ADARB2: variants seen among roughly 807,000 people sequenced by gnomAD.
ADARB2 encodes adenosine deaminase RNA specific B2 (inactive).
A neutral mutation model predicts 62.2 loss-of-function variants in ADARB2; 25 were observed. The observed-to-expected ratio is 0.40, with a 90% CI of 0.29 to 0.56. The LOEUF (loss-of-function observed/expected upper bound fraction) is 0.56. ADARB2 is among the 20% of genes least tolerant of loss of function. ADARB2 has a pLI of 0.43. For missense variants in ADARB2, 1,071 were observed against 1,077.4 expected, an observed-to-expected ratio of 0.99 and a Z score of 0.08; for synonymous variants, 572 against 500.8, an observed-to-expected ratio of 1.14 and a Z score of -1.90.
intron 1 of ADARB2, among the ~76,000 whole-genome samples, chr10:1,679,542 G>A (rs1054608194): frequency 1.3e-5 from 2 of 152,164 alleles, no homozygotes; most frequent in African/African-American, 4.8e-5. Context: ...GCCACTTGGT[G>A]CAACTCCTGG....
Position 1,363,156 on chromosome 10 carries a change from A to G in ADARB2, c.949T>C (p.Phe317Leu). ...TTCTTGCTGCGCCCCGAGCCCTCGA[A>G]CGTCCTGCCGTCCACGCTCACGGCC... ...VMAVSVDGRT[F>L]EGSGRSKKLA... The change falls in exon 3 of 10, where the codon TTC becomes CTC. Residue 317 changes from phenylalanine (F) to leucine (L), a missense_variant. Physicochemically the swap from Phe to Leu is conservative, Grantham distance 22. Transcript: ENST00000381312. 6.5e-7 allele frequency: 1 copy of G among 1,545,692 alleles called. No individual in the cohort carries two copies. Among genetic ancestry groups the G allele is most frequent in the Non-Finnish European group, 8.7e-7 (1 of 1,155,170 alleles).
chr10:1,468,713 CCTT>C (rs1831286870), intron 1 of ADARB2, among the ~76,000 whole-genome samples: 2 of 152,176 alleles, frequency 1.3e-5, no homozygotes, highest in Admixed American at 1.3e-4. Flanking sequence ...GTGGTGCCTT[CCTT>C]CTTCTGACTC....
intron 1 of ADARB2, among the ~76,000 whole-genome samples, chr10:1,625,096 T>C (rs1187146823): frequency 6.6e-6 from 1 of 152,222 alleles, no homozygotes; most frequent in Non-Finnish European, 1.5e-5. Context: ...TGTTCAGAAT[T>C]GGCCAAACAC....
intron 3 of ADARB2, among the ~76,000 whole-genome samples, chr10:1,297,561 G>T (rs549544859): frequency 6.6e-6 from 1 of 152,148 alleles, no homozygotes; most frequent in Non-Finnish European, 1.5e-5. Context: ...GACCCCCGAG[G>T]GTGGCTGCGT....
At chr10:1,328,575 A>T (rs901616256) in intron 3 of ADARB2, among the ~76,000 whole-genome samples, 4 of 152,140 alleles carry the variant, frequency 2.6e-5, no homozygotes, top group African/African-American at 9.7e-5. Flanking sequence ...TTTTGCAGAC[A>T]TTCCTGGAGC....
At chr10:1,613,598 C>T (rs369117611) in intron 1 of ADARB2, among the ~76,000 whole-genome samples, 110 of 152,284 alleles carry the variant, frequency 7.2e-4, no homozygotes, top group Non-Finnish European at 1.1e-3. Context: ...ACTATTAGCA[C>T]GTCAGTGTAT....
chr10:1,210,060 A>G (rs563464135), intron 7 of ADARB2, among the ~76,000 whole-genome samples: 96 of 152,242 alleles, frequency 6.3e-4, no homozygotes, highest in African/African-American at 2.1e-3. Context: ...GAATATCACT[A>G]TGGGTATTAT....
chr10:1,607,693 T>C (rs192284099), intron 1 of ADARB2, among the ~76,000 whole-genome samples: 1 of 152,156 alleles, frequency 6.6e-6, no homozygotes, highest in East Asian at 1.9e-4. Context: ...CGCAGCGACA[T>C]GCATAGAATC....
At chr10:1,716,086 G>T (rs148026154) in intron 1 of ADARB2, among the ~76,000 whole-genome samples, 1 of 151,886 alleles carries the variant, frequency 6.6e-6, no homozygotes, top group Admixed American at 6.6e-5. Context: ...CTCCTCTCCC[G>T]ATTGCTAACT....
chr10:1,202,588 G>A (rs543232169), intron 7 of ADARB2, among the ~76,000 whole-genome samples: 11 of 152,280 alleles, frequency 7.2e-5, no homozygotes, highest in East Asian at 3.9e-4. Context: ...GGCCCTCCTC[G>A]GGACGTAAGA....
intron 2 of ADARB2, among the ~76,000 whole-genome samples, chr10:1,373,022 A>T (rs561264489): frequency 6.6e-6 from 1 of 152,356 alleles, no homozygotes; most frequent in South Asian, 2.1e-4. Flanking sequence ...TCCCATGCTC[A>T]TGGAATAGAA....
chr10:1,481,197 C>T (rs144395696), intron 1 of ADARB2, among the ~76,000 whole-genome samples: 12 of 152,288 alleles, frequency 7.9e-5, no homozygotes, highest in African/African-American at 2.6e-4. Flanking sequence ...AAAGGTGCTG[C>T]AACTAGTCAA....
rs1465198088 is a variant in ADARB2, at chr10:1,460,068, G to A, written c.101-80908C>T. Among the ~76,000 whole-genome samples, 16 of 57,466 alleles carry A rather than the reference G, an allele frequency of 2.8e-4. 1 individual carries two copies. Among genetic ancestry groups the A allele is most frequent in the African/African-American group, 8.4e-4 (15 of 17,792 alleles). The allele number at this position is 57,466 out of a possible 152,430, so 37.7% of individuals were successfully genotyped here. ...TGTAGCAAACCTGCCTGTGACCTGA[G>A]TTTACCTGCGTAACGAACCTGCCTG... On this transcript the variant is annotated intron_variant, in intron 1 of 9. Transcript: ENST00000381312.
chr10:1,455,551 A>G (rs912253692), intron 1 of ADARB2, among the ~76,000 whole-genome samples: 126 of 152,312 alleles, frequency 8.3e-4, no homozygotes, highest in African/African-American at 2.9e-3. Context: ...GGCCAGAGCT[A>G]AGTTGGAGGT....
intron 1 of ADARB2, among the ~76,000 whole-genome samples, chr10:1,634,288 A>G (rs1564353454): frequency 6.6e-6 from 1 of 152,232 alleles, no homozygotes; most frequent in Admixed American, 6.5e-5. Flanking sequence ...CAATCAGGCC[A>G]CAGACACAGC....
At position 1,704,863 on chromosome 10, in the gene ADARB2, T is replaced by G. The variant is rs907112351; in HGVS notation, c.100+32188A>C. Among the ~76,000 whole-genome samples the G allele has an allele frequency of 6.6e-6, 1 of 152,096 alleles. No homozygotes were observed. Among genetic ancestry groups the G allele is most frequent in the African/African-American group, 2.4e-5 (1 of 41,418 alleles). ...TATGCCAGCCTGAGCCTCCACTCTC[T>G]CACTGAGGAGCCCAGCAGTTTATCA... On this transcript the variant is annotated intron_variant, in intron 1 of 9. Coordinates refer to ENST00000381312, the MANE Select transcript of ADARB2 (RefSeq NM_018702.4). This position sits in a 1 kb window ranked among gnomAD's most constrained non-coding sequence, Gnocchi z 5.6.
chr10:1,284,782 C>T (rs1286630541), intron 3 of ADARB2, among the ~76,000 whole-genome samples: 1 of 152,162 alleles, frequency 6.6e-6, no homozygotes, highest in Non-Finnish European at 1.5e-5. Flanking sequence ...CAAATCCAAC[C>T]ATACACTGTA....
At chr10:1,263,809 TCCAGGCTAAACTATTTAAATGAG>T (rs568959863) in intron 4 of ADARB2, among the ~76,000 whole-genome samples, 54 of 152,318 alleles carry the variant, frequency 3.5e-4, no homozygotes, top group African/African-American at 1.3e-3. Context: ...TGTGAATTAT[TCCAGGCTAAACTATTTAAATGAG>T]CCAGGCTAAA....
chr10:1,600,720 T>C (rs899731221), intron 1 of ADARB2, among the ~76,000 whole-genome samples: 4 of 149,594 alleles, frequency 2.7e-5, no homozygotes, highest in African/African-American at 9.9e-5. Flanking sequence ...TAATTTATTA[T>C]GTAATAGCTG....
Sources: allele counts gnomAD v4.1 joint callset (sites outside exome capture counted in the v4.1 genomes callset), GRCh38; gene constraint gnomAD v4.1.1; non-coding constraint Gnocchi (gnomAD v3.1); transcripts MANE v1.5; gene names NCBI Gene and HGNC (gene_info 2026-07-23, HGNC 2026-07-21).